Variants in COL14A1 observed in about 807,000 individuals in gnomAD.
COL14A1 encodes collagen alpha-1(XIV) chain.
Under a neutral mutation model 230.3 loss-of-function variants are expected in COL14A1, and 136 were observed. That is an observed-to-expected ratio of 0.59 (90% CI 0.51 to 0.68). The LOEUF (loss-of-function observed/expected upper bound fraction) is 0.68. Among genes scored for constraint, COL14A1 ranks in the 30% least tolerant of loss-of-function variants. The probability of loss-of-function intolerance (pLI) is 0.00; values close to 1 mark genes in which losing one functional copy is unlikely to be tolerated. For synonymous variants in COL14A1, 792 were observed against 784.1 expected (o/e 1.01, Z -0.17); for missense variants, 1,976 against 2,215.8 (o/e 0.89, Z 2.17).
chr8:120,231,347 C>T, intron 18 of COL14A1, 120 bp from the exon 19 acceptor site: 1 of 1,071,336 alleles, frequency 9.3e-7, no homozygotes, highest in East Asian at 2.6e-5. Context: ...GCCTCATATA[C>T]AACTATATTA....
At chr8:120,138,714 C>T in intron 1 of COL14A1, among the ~76,000 whole-genome samples, 1 of 152,062 alleles carries the variant, frequency 6.6e-6, no homozygotes, top group African/African-American at 2.4e-5. Context: ...TCTTGAAAAT[C>T]CTTTTATGAT....
chr8:120,187,278 A>T lies in COL14A1; in HGVS notation c.437-9513A>T, dbSNP rs181777791. Among the ~76,000 whole-genome samples the T allele has an allele frequency of 2.1e-3, 318 of 152,314 alleles. 1 individual carries two copies. The highest frequency in any genetic ancestry group is 6.8e-3 in the Middle Eastern group (2 of 294). On this transcript the variant is annotated intron_variant, in intron 5 of 47. Transcript: ENST00000297848. ...AATTTGGTAATTTCATACTATTGCCATTACAGTAACATTACCCCTTGCCCC... is the reference window on the plus strand; with the variant it reads ...AATTTGGTAATTTCATACTATTGCCTTTACAGTAACATTACCCCTTGCCCC...
At chr8:120,269,450 A>G (rs1272889921) in intron 25 of COL14A1, among the ~76,000 whole-genome samples, 1 of 151,776 alleles carries the variant, frequency 6.6e-6, no homozygotes, top group Non-Finnish European at 1.5e-5. Flanking sequence ...CTTGACATAT[A>G]TCAGTGGGCT....
chr8:120,302,844 T>A (rs1820757413), intron 36 of COL14A1, among the ~76,000 whole-genome samples: 1 of 152,332 alleles, frequency 6.6e-6, no homozygotes, highest in South Asian at 2.1e-4. Context: ...ATGGCCATTT[T>A]AACAGTATTG....
chr8:120,298,619 A>ATG (rs1024747889), intron 35 of COL14A1, among the ~76,000 whole-genome samples: 1 of 117,228 alleles, frequency 8.5e-6, no homozygotes, highest in African/African-American at 3.5e-5. Flanking sequence ...ATATATATAT[A>ATG]TATATATATA....
intron 18 of COL14A1, among the ~76,000 whole-genome samples, chr8:120,231,142 C>G (rs148354716): frequency 6.0e-4 from 91 of 152,306 alleles, no homozygotes; most frequent in Non-Finnish European, 9.8e-4. Context: ...CTCATGACCA[C>G]TCTTTCCTTT....
intron 8 of COL14A1, among the ~76,000 whole-genome samples, chr8:120,199,868 A>G (rs1265433689): frequency 6.6e-6 from 1 of 152,048 alleles, no homozygotes; most frequent in East Asian, 1.9e-4. Context: ...CTGTTTAGTA[A>G]GTCAAGACTT....
intron 23 of COL14A1, among the ~76,000 whole-genome samples, chr8:120,260,942 AG>A (rs1443132199): frequency 1.3e-5 from 2 of 152,178 alleles, no homozygotes; most frequent in African/African-American, 4.8e-5. Flanking sequence ...TCTGAAACTG[AG>A]CTTTAGAGTT....
At chr8:120,253,883 C>T (rs10481069) in intron 22 of COL14A1, among the ~76,000 whole-genome samples, 15,317 of 152,216 alleles carry the variant, frequency 0.1, 1,356 homozygotes, top group East Asian at 0.4. Context: ...GAGATTGTGC[C>T]ACTGCACTCC....
In COL14A1 at chr8:120,289,555, G is replaced by A. The variant is rs549176856; in HGVS notation, c.4078-53G>A. 12 of 1,447,746 alleles carry A rather than the reference G, an allele frequency of 8.3e-6. No homozygotes were observed. The South Asian group carries it at 1.5e-4, about 18-fold the overall frequency. 89.7% of individuals were successfully genotyped at this position (1,447,746 alleles called of 1,614,324 possible). A position where few individuals can be genotyped will look rare whatever the true frequency, so the allele number is the denominator to read the frequency against. ...ATGAATCATACAATTATACAAATTTGGTTGATATTTCCTTCTGTTTCTTAC... is the reference window on the plus strand; with the variant it reads ...ATGAATCATACAATTATACAAATTTAGTTGATATTTCCTTCTGTTTCTTAC... On this transcript the variant is annotated intron_variant, in intron 33 of 47. Transcript: ENST00000297848.
At chr8:120,250,795 G>A (rs1052404931) in intron 22 of COL14A1, 29 bp downstream of exon 22, 12 of 1,611,232 alleles carry the variant, frequency 7.4e-6, no homozygotes, top group Admixed American at 6.7e-5. Context: ...GGCCTCAGCC[G>A]CATATGGGTT....
At chr8:120,368,158 G>A (rs2130394428) in intron 46 of COL14A1, among the ~76,000 whole-genome samples, 1 of 152,164 alleles carries the variant, frequency 6.6e-6, no homozygotes, top group African/African-American at 2.4e-5. Context: ...TTTGAGTTTT[G>A]TGTATTATAT....
In COL14A1 at chr8:120,307,842, G is replaced by A. The variant is rs112943524; in HGVS notation, c.4402-2167G>A. On this transcript the variant is annotated intron_variant, in intron 36 of 47. Transcript: ENST00000297848. ...TCAATAAACTGGCACAGTTAGTTTA[G>A]AGTACAATATGATAATATATCTGCA... 3.9e-3 allele frequency among the ~76,000 whole-genome samples: 589 copies of A among 152,290 alleles called. 3 individuals carry two copies. Among genetic ancestry groups the A allele is most frequent in the African/African-American group, 0.013 (538 of 41,560 alleles).
At chr8:120,325,345 T>A (rs1038085758) in intron 40 of COL14A1, among the ~76,000 whole-genome samples, 2 of 152,210 alleles carry the variant, frequency 1.3e-5, no homozygotes, top group South Asian at 4.1e-4. Flanking sequence ...TTTAAAAAAA[T>A]CCCTGTCTGT....
At chr8:120,370,228 A>T in intron 47 of COL14A1, 1 of 1,198,852 alleles carries the variant, frequency 8.3e-7, no homozygotes, top group Admixed American at 2.0e-5. Flanking sequence ...TTCAGTAGAA[A>T]TTTAACCTTA....
At chr8:120,332,108 C>A (rs368961925) in intron 40 of COL14A1, 33 bp from the exon 41 acceptor site, 9 of 1,607,338 alleles carry the variant, frequency 5.6e-6, no homozygotes, top group Middle Eastern at 1.6e-4. Flanking sequence ...ATAAAGCAAC[C>A]ACTTGCTGAC....
At chr8:120,343,728 A>G (rs1050930706) in intron 44 of COL14A1, among the ~76,000 whole-genome samples, 5 of 152,234 alleles carry the variant, frequency 3.3e-5, no homozygotes, top group African/African-American at 1.2e-4. Context: ...GTTTAATGGC[A>G]AAATAGGATC....
chr8:120,142,542 T>A (rs574052224), intron 1 of COL14A1, among the ~76,000 whole-genome samples: 1 of 152,348 alleles, frequency 6.6e-6, no homozygotes, highest in African/African-American at 2.4e-5. Flanking sequence ...TCACTTAATA[T>A]GTTGACTATT....
chr8:120,150,800 G>A (rs1815255832), intron 2 of COL14A1, among the ~76,000 whole-genome samples: 1 of 151,914 alleles, frequency 6.6e-6, no homozygotes, highest in South Asian at 2.1e-4. Context: ...CTGGAGTTTA[G>A]GGAAAAAAGA....
Sources: gnomAD v4.1 joint callset for allele counts (sites outside exome capture counted in the v4.1 genomes callset) on GRCh38, gnomAD v4.1.1 for gene constraint, MANE v1.5 for transcripts, NCBI Gene and HGNC (gene_info 2026-07-23, HGNC 2026-07-21) for gene names.